CEP128: variants seen among roughly 807,000 people sequenced by gnomAD.
CEP128 encodes the protein centrosomal protein 128kDa.
Under a neutral mutation model 156.7 loss-of-function variants are expected in CEP128, and 132 were observed. That is an observed-to-expected ratio of 0.84 (90% CI 0.73 to 0.97). The LOEUF (loss-of-function observed/expected upper bound fraction) is 0.97, where lower values mean the gene tolerates loss of function less well. Ranked by LOEUF, CEP128 falls within the 50% of genes least tolerant of loss-of-function variation. The pLI, the probability that CEP128 is intolerant of heterozygous loss-of-function variation, is 0.00. For synonymous variants in CEP128, 469 were observed against 448.9 expected (o/e 1.04, Z -0.57); for missense variants, 1,252 against 1,281.9 (o/e 0.98, Z 0.36).
At chr14:80,768,802 G>T (rs1374664572) in intron 16 of CEP128, among the ~76,000 whole-genome samples, 1 of 152,112 alleles carries the variant, frequency 6.6e-6, no homozygotes, top group Non-Finnish European at 1.5e-5. Flanking sequence ...CACATTTAAA[G>T]AAATCATTCT....
In CEP128 at chr14:80,845,710, G is replaced by A. The variant is rs537303348; in HGVS notation, c.763-4942C>T. ...CTTTGGGTTTAGAAGGGTTTTTTTTGTTTTTCACTATTTTCTAATAAAAAT... is the reference window on the plus strand; with the variant it reads ...CTTTGGGTTTAGAAGGGTTTTTTTTATTTTTCACTATTTTCTAATAAAAAT... On this transcript the variant is annotated intron_variant, in intron 9 of 24. Coordinates refer to ENST00000555265, the MANE Select transcript of CEP128 (RefSeq NM_152446.5). Among the ~76,000 whole-genome samples the A allele has an allele frequency of 3.3e-5, 5 of 151,716 alleles. No homozygotes were observed. In the South Asian group the frequency reaches 1.0e-3, roughly 32 times the overall value.
At chr14:80,581,210 G>A (rs145635737) in intron 19 of CEP128, among the ~76,000 whole-genome samples, 179 of 152,214 alleles carry the variant, frequency 1.2e-3, no homozygotes, top group African/African-American at 4.3e-3. Flanking sequence ...CAAACCTAAA[G>A]AGGACTAGGC....
At chr14:80,495,114 T>G (rs1276911747), downstream of CEP128, among the ~76,000 whole-genome samples, 3 of 152,220 alleles carry the variant, frequency 2.0e-5, no homozygotes, top group African/African-American at 4.8e-5. Flanking sequence ...CCAGGCTTAC[T>G]GCAGAATAAA....
At chr14:80,811,818 T>TTAGATAGACAGATAGATAGA (rs1555350875) in intron 13 of CEP128, among the ~76,000 whole-genome samples, 1 of 149,516 alleles carries the variant, frequency 6.7e-6, no homozygotes, top group Non-Finnish European at 1.5e-5. Flanking sequence ...CACGCATGTA[T>TTAGATAGACAGATAGATAGA]TAGATAGATA....
intron 19 of CEP128, 57 bp downstream of exon 19, chr14:80,743,018 A>T: frequency 6.6e-7 from 1 of 1,517,686 alleles, no homozygotes; most frequent in Non-Finnish European, 9.1e-7. Flanking sequence ...TTCCAATCCT[A>T]GGATTAGGAT....
At chr14:80,882,393 A>G (rs1682055437) in intron 8 of CEP128, among the ~76,000 whole-genome samples, 1 of 152,076 alleles carries the variant, frequency 6.6e-6, no homozygotes, top group Non-Finnish European at 1.5e-5. Context: ...AGTTAAAATG[A>G]TTTATATCCA....
chr14:80,897,989 T>C (rs988141041), intron 7 of CEP128, among the ~76,000 whole-genome samples: 2 of 152,120 alleles, frequency 1.3e-5, no homozygotes, highest in Non-Finnish European at 2.9e-5. Flanking sequence ...CATGTTGCCC[T>C]GACTGGTCTC....
At chr14:80,496,078 C>T (rs1006598416), downstream of CEP128, among the ~76,000 whole-genome samples, 1 of 152,044 alleles carries the variant, frequency 6.6e-6, no homozygotes, top group African/African-American at 2.4e-5. Flanking sequence ...TTGTCTAACC[C>T]CAAATTTCTC....
At chr14:80,735,812 C>G (rs1898500666) in intron 19 of CEP128, among the ~76,000 whole-genome samples, 1 of 152,130 alleles carries the variant, frequency 6.6e-6, no homozygotes, top group African/African-American at 2.4e-5. Context: ...GCTCATATCC[C>G]TTGGTTCATG....
chr14:80,601,684 C>A (rs1483835843), intron 19 of CEP128, among the ~76,000 whole-genome samples: 1 of 152,036 alleles, frequency 6.6e-6, no homozygotes, highest in Non-Finnish European at 1.5e-5. Flanking sequence ...ATACCATAAG[C>A]AAATGTAACA....
At chr14:80,704,494 T>C (rs564171761) in intron 19 of CEP128, among the ~76,000 whole-genome samples, 17 of 152,054 alleles carry the variant, frequency 1.1e-4, no homozygotes, top group Admixed American at 1.3e-4. Context: ...ATGTACACAT[T>C]AGAATTTTAA....
chr14:80,700,394 A>G (rs1427336234), intron 19 of CEP128, among the ~76,000 whole-genome samples: 1 of 152,112 alleles, frequency 6.6e-6, no homozygotes, highest in Non-Finnish European at 1.5e-5. Context: ...GTCATAGTAC[A>G]GAGTGGCAGG....
rs1899980231 is a variant in CEP128 at position 80,761,693 on chromosome 14, A to G, written c.2377-80T>C. On this transcript the variant is annotated intron_variant, in intron 16 of 24. Transcript: ENST00000555265. ...AATACTTGTAATATCTGTTCAACCA[A>G]CTAGAAGTGGATTTGAAAAGAAATC... 3.0e-6 allele frequency: 3 copies of G among 986,902 alleles called. No individual in the cohort carries two copies. The Admixed American group carries it at 7.4e-5, about 24-fold the overall frequency. The allele number at this position is 986,902 out of a possible 1,614,324, so 61.1% of individuals were successfully genotyped here. A position where few individuals can be genotyped will look rare whatever the true frequency, so the allele number is the denominator to read the frequency against.
intron 21 of CEP128, among the ~76,000 whole-genome samples, chr14:80,536,653 G>A (rs556003858): frequency 9.2e-5 from 14 of 152,240 alleles, no homozygotes; most frequent in East Asian, 5.8e-4. Context: ...GTGGTAACTC[G>A]ATCCAGCACA....
chr14:80,844,914 G>A (rs1431464172), intron 9 of CEP128, among the ~76,000 whole-genome samples: 1 of 151,724 alleles, frequency 6.6e-6, no homozygotes, highest in East Asian at 1.9e-4. Flanking sequence ...CCATACCTAC[G>A]GAATCCACCA....
At chr14:80,935,495 G>C (rs1295046160) in intron 2 of CEP128, among the ~76,000 whole-genome samples, 1 of 151,338 alleles carries the variant, frequency 6.6e-6, no homozygotes, top group African/African-American at 2.4e-5. Context: ...AGGTTGCAGT[G>C]AGCCGAGATT....
intron 19 of CEP128, among the ~76,000 whole-genome samples, chr14:80,638,032 G>A (rs944753226): frequency 6.6e-6 from 1 of 152,126 alleles, no homozygotes; most frequent in Non-Finnish European, 1.5e-5. Flanking sequence ...CAAAACCTAC[G>A]ACAGGATACA....
At chr14:80,553,540 A>G (rs965477443) in intron 21 of CEP128, among the ~76,000 whole-genome samples, 14 of 152,094 alleles carry the variant, frequency 9.2e-5, no homozygotes, top group African/African-American at 3.1e-4. Flanking sequence ...CACCATTTTA[A>G]TTTCCATAGC....
intron 23 of CEP128, among the ~76,000 whole-genome samples, chr14:80,511,133 T>G (rs534035438): frequency 2.0e-5 from 3 of 151,828 alleles, no homozygotes; most frequent in Non-Finnish European, 4.4e-5. Context: ...AGAATGAGTT[T>G]GGGAGTATTC....
Sources: allele counts gnomAD v4.1 joint callset (sites outside exome capture counted in the v4.1 genomes callset), GRCh38; gene constraint gnomAD v4.1.1; transcripts MANE v1.5; gene names NCBI Gene and HGNC (gene_info 2026-07-23, HGNC 2026-07-21).